NVL: variants seen among roughly 807,000 people sequenced by gnomAD.
The protein encoded by NVL is nuclear valosin-containing protein-like.
A neutral mutation model predicts 110.2 loss-of-function variants in NVL; 84 were observed. That is an observed-to-expected ratio of 0.76 (90% CI 0.64 to 0.91). The LOEUF (loss-of-function observed/expected upper bound fraction) is 0.91, where lower values mean the gene tolerates loss of function less well. NVL is among the 40% of genes least tolerant of loss of function. The pLI, the probability that NVL is intolerant of heterozygous loss-of-function variation, is 0.00. For synonymous variants in NVL, 354 were observed against 361.1 expected, an observed-to-expected ratio of 0.98 and a Z score of 0.22; for missense variants, 882 against 1,035.9, an observed-to-expected ratio of 0.85 and a Z score of 2.04.
intron 18 of NVL, among the ~76,000 whole-genome samples, chr1:224,256,818 G>A (rs768538487): frequency 1.3e-5 from 2 of 151,924 alleles, no homozygotes. Flanking sequence ...TCATTCTCCC[G>A]GTTTTTCAGG....
intron 5 of NVL, among the ~76,000 whole-genome samples, chr1:224,310,442 T>C (rs975297025): frequency 1.3e-5 from 2 of 152,198 alleles, no homozygotes; most frequent in Admixed American, 6.5e-5. Context: ...TTTTCATTAC[T>C]AATGCCATCT....
intron 19 of NVL, among the ~76,000 whole-genome samples, chr1:224,246,470 G>A (rs1661833401): frequency 6.6e-6 from 1 of 152,192 alleles, no homozygotes; most frequent in Non-Finnish European, 1.5e-5. Context: ...CAGGAAGAAT[G>A]AGCCAATCAT....
At chr1:224,262,470 C>T (rs1251696806) in intron 18 of NVL, among the ~76,000 whole-genome samples, 3 of 151,896 alleles carry the variant, frequency 2.0e-5, no homozygotes, top group Non-Finnish European at 4.4e-5. Flanking sequence ...AAGATAAGTA[C>T]CAGCAAAATG....
At chr1:224,300,180 C>T (rs532888050) in intron 10 of NVL, among the ~76,000 whole-genome samples, 6 of 152,200 alleles carry the variant, frequency 3.9e-5, no homozygotes, top group African/African-American at 1.4e-4. Context: ...TTTATGGTTG[C>T]TTTTATAATA....
chr1:224,244,832 C>A (rs1315681947), intron 19 of NVL, among the ~76,000 whole-genome samples: 1 of 151,818 alleles, frequency 6.6e-6, no homozygotes, highest in Non-Finnish European at 1.5e-5. Flanking sequence ...GGACTACAGG[C>A]ACGCACCACC....
chr1:224,323,522 C>T (rs964043707), intron 2 of NVL, among the ~76,000 whole-genome samples: 1 of 152,170 alleles, frequency 6.6e-6, no homozygotes, highest in Non-Finnish European at 1.5e-5. Context: ...GTTAAAGCAA[C>T]AGAAACACTG....
intron 4 of NVL, chr1:224,312,087 T>C (rs1669582024): frequency 2.4e-6 from 1 of 412,488 alleles, no homozygotes; most frequent in Non-Finnish European, 4.3e-6. Context: ...GTAATGTCTG[T>C]CTCCCAGGGT....
intron 10 of NVL, among the ~76,000 whole-genome samples, chr1:224,298,848 T>C (rs546495523): frequency 6.6e-6 from 1 of 152,322 alleles, no homozygotes; most frequent in East Asian, 1.9e-4. Context: ...CTGTACTGGT[T>C]TGAAGATAGT....
chr1:224,323,017 A>G (rs946632456), intron 2 of NVL, among the ~76,000 whole-genome samples: 3 of 152,168 alleles, frequency 2.0e-5, no homozygotes, highest in Admixed American at 6.6e-5. Flanking sequence ...GAAGAGCTGT[A>G]CAGGAAGGTT....
In NVL at chr1:224,286,098, A is replaced by C. The variant is rs145277303; in HGVS notation, c.1827T>G (p.Ala609=). 51 of 1,613,980 alleles carry C rather than the reference A, an allele frequency of 3.2e-5. No homozygotes were observed. In the African/African-American group the frequency reaches 6.8e-4, roughly 22 times the overall value. ...CCCCAGCTGGAGTCACCAATCCAAGAGCTTTGAACTGGTCTGGGTTGCGTA... is the reference window on the plus strand; with the variant it reads ...CCCCAGCTGGAGTCACCAATCCAAGCGCTTTGAACTGGTCTGGGTTGCGTA... ...APVRNPDQFK[A]LGLVTPAGVL... The change falls in exon 15 of 23, where the codon GCT becomes GCG. Residue 609 remains alanine (A), a synonymous_variant. Coordinates refer to ENST00000281701, the MANE Select transcript of NVL (RefSeq NM_002533.4).
chr1:224,324,065 C>T (rs1363882323), intron 2 of NVL, among the ~76,000 whole-genome samples: 1 of 152,170 alleles, frequency 6.6e-6, no homozygotes, highest in Non-Finnish European at 1.5e-5. Context: ...TATACTTACA[C>T]AAACCTAGAT....
Position 224,311,789 on chromosome 1 carries a change from G to A in NVL, c.342+11C>T, listed in dbSNP as rs370555963. ...AAAAATCTAAGTGGACCCACTAAAT[G>A]TTTGGCTTACCTGTGGATCTGGGTA... On this transcript the variant is annotated intron_variant, in intron 5 of 22. Transcript: ENST00000281701. The A allele has an allele frequency of 1.2e-6, 2 of 1,609,662 alleles. No homozygotes were observed. Among genetic ancestry groups the A allele is most frequent in the South Asian group, 1.1e-5 (1 of 90,950 alleles).
intron 2 of NVL, among the ~76,000 whole-genome samples, chr1:224,320,248 T>C (rs918412403): frequency 5.3e-5 from 8 of 152,174 alleles, no homozygotes; most frequent in African/African-American, 1.2e-4. Flanking sequence ...TGTGGTTATA[T>C]AATAAAAGCC....
intron 15 of NVL, among the ~76,000 whole-genome samples, chr1:224,283,264 G>T (rs1571940725): frequency 6.6e-6 from 1 of 152,122 alleles, no homozygotes; most frequent in Non-Finnish European, 1.5e-5. Context: ...GACACGGGTG[G>T]ATCACGAGGT....
intron 12 of NVL, among the ~76,000 whole-genome samples, chr1:224,291,288 C>T (rs1667352641): frequency 6.6e-6 from 1 of 152,150 alleles, no homozygotes; most frequent in South Asian, 2.1e-4. Context: ...TCACCGCAAC[C>T]TCCGCCTCCC....
At position 224,268,019 on chromosome 1, in the gene NVL, A is replaced by C. The variant is rs779685913; in HGVS notation, c.2182+15T>G. ...TTTTTAGATTCATCTGTGTTACAAT[A>C]TTTTTATTTCTTACCTGGCCTGTTA... On this transcript the variant is annotated intron_variant, in intron 18 of 22. Coordinates refer to ENST00000281701, the MANE Select transcript of NVL (RefSeq NM_002533.4). 7.6e-6 allele frequency: 12 copies of C among 1,576,506 alleles called. No homozygotes were observed. The East Asian group carries it at 1.1e-4, about 15-fold the overall frequency.
intron 4 of NVL, chr1:224,312,117 C>T: frequency 3.0e-6 from 1 of 336,672 alleles, no homozygotes; most frequent in Admixed American, 4.7e-5. Context: ...ATTAAATAAA[C>T]ACTTGCAAAG....
intron 21 of NVL, chr1:224,232,971 G>A: frequency 2.6e-6 from 1 of 387,622 alleles, no homozygotes; most frequent in Non-Finnish European, 4.6e-6. Flanking sequence ...GGATCCATTT[G>A]CCTATAGGGA....
intron 2 of NVL, among the ~76,000 whole-genome samples, chr1:224,319,492 A>G (rs1023958960): frequency 2.0e-5 from 3 of 151,914 alleles, no homozygotes; most frequent in Non-Finnish European, 4.4e-5. Context: ...TATTTTTAGT[A>G]GAGACAGGAT....
Sources: gnomAD v4.1 joint callset for allele counts (sites outside exome capture counted in the v4.1 genomes callset) on GRCh38, gnomAD v4.1.1 for gene constraint, MANE v1.5 for transcripts, NCBI Gene and HGNC (gene_info 2026-07-23, HGNC 2026-07-21) for gene names.